Variants in SIK3 observed in about 807,000 individuals in gnomAD.
The protein encoded by SIK3 is SIK family kinase 3.
In SIK3, 28 loss-of-function variants were observed where a neutral mutation model predicts 144.2. The observed-to-expected ratio is 0.19, with a 90% CI of 0.14 to 0.27. SIK3 has a LOEUF of 0.27. Among genes scored for constraint, SIK3 ranks in the 10% least tolerant of loss-of-function variants. The pLI is 1.00. For synonymous variants in SIK3, 686 were observed against 676.3 expected, an observed-to-expected ratio of 1.01 and a Z score of -0.22; for missense variants, 1,319 against 1,776.0, an observed-to-expected ratio of 0.74 and a Z score of 4.62.
intron 1 of SIK3, among the ~76,000 whole-genome samples, chr11:117,013,954 TA>T (rs1287409414): frequency 3.1e-5 from 2 of 64,688 alleles, no homozygotes; most frequent in African/African-American, 6.2e-5. Flanking sequence ...GTGTGTGTTT[TA>T]TTTCTTTTTT....
chr11:116,870,527 C>T, intron 13 of SIK3, 126 bp from the exon 14 acceptor site: 2 of 1,245,862 alleles, frequency 1.6e-6, no homozygotes, highest in East Asian at 2.4e-5. Flanking sequence ...TTCTAGACTC[C>T]TGGGTTATAC....
At chr11:116,965,734 A>AAAATATATAT (rs1949505613) in intron 1 of SIK3, among the ~76,000 whole-genome samples, 1 of 118,402 alleles carries the variant, frequency 8.4e-6, no homozygotes, top group Non-Finnish European at 1.6e-5. Flanking sequence ...TCTCTGCTAA[A>AAAATATATAT]ATATATATAT....
chr11:116,906,472 A>T (rs916017926), intron 4 of SIK3, among the ~76,000 whole-genome samples: 4 of 152,220 alleles, frequency 2.6e-5, no homozygotes, highest in Admixed American at 2.6e-4. Context: ...AGAAAAGGGA[A>T]GGATGAGAAT....
At chr11:117,085,828 T>A (rs1158235969) in intron 1 of SIK3, among the ~76,000 whole-genome samples, 1 of 151,680 alleles carries the variant, frequency 6.6e-6, no homozygotes, top group Non-Finnish European at 1.5e-5. Context: ...CTACAAAAAA[T>A]ACAAAAATTG....
Position 117,098,170 on chromosome 11 carries a change from C to T in SIK3, c.246G>A (p.Arg82=). ...TGGCCTTGGTGACGAGGTGCGTGGCCCGCTTGACCACCGCGAAGTTGCCCT... is the reference window on the plus strand; with the variant it reads ...TGGCCTTGGTGACGAGGTGCGTGGCTCGCTTGACCACCGCGAAGTTGCCCT... ...IGKGNFAVVK[R]ATHLVTKAKV... The change falls in exon 1 of 25, where the codon CGG becomes CGA. Residue 82 remains arginine (R), a synonymous_variant. Coordinates refer to ENST00000445177, the MANE Select transcript of SIK3 (RefSeq NM_001366686.3). The T allele has an allele frequency of 1.3e-6, 2 of 1,517,334 alleles. No homozygotes were observed. The highest frequency in any genetic ancestry group is 1.8e-6 in the Non-Finnish European group (2 of 1,131,872). 94.0% of individuals were successfully genotyped at this position (1,517,334 alleles called of 1,614,324 possible).
At chr11:117,082,759 C>G (rs1302745619) in intron 1 of SIK3, among the ~76,000 whole-genome samples, 2 of 152,090 alleles carry the variant, frequency 1.3e-5, no homozygotes, top group Non-Finnish European at 2.9e-5. Flanking sequence ...ACTGTATGGT[C>G]TGTGAAATGT....
intron 1 of SIK3, among the ~76,000 whole-genome samples, chr11:117,086,215 G>A (rs1051200888): frequency 3.9e-5 from 6 of 152,112 alleles, no homozygotes; most frequent in Admixed American, 6.6e-5. Flanking sequence ...AACCCATAAA[G>A]TACAATGCAC....
At chr11:117,060,107 C>T (rs1319053403) in intron 1 of SIK3, among the ~76,000 whole-genome samples, 1 of 152,082 alleles carries the variant, frequency 6.6e-6, no homozygotes, top group Non-Finnish European at 1.5e-5. Context: ...CAACAAGTTC[C>T]TTAATAGGTG....
intron 1 of SIK3, among the ~76,000 whole-genome samples, chr11:117,033,720 A>AAAAGAAAG (rs1311630637): frequency 1.3e-4 from 19 of 151,484 alleles, no homozygotes; most frequent in Admixed American, 1.3e-3. Flanking sequence ...AAAAAAAAAA[A>AAAAGAAAG]AAAAGAAAGA....
chr11:117,034,073 A>G (rs901311697), intron 1 of SIK3, among the ~76,000 whole-genome samples: 5 of 152,216 alleles, frequency 3.3e-5, no homozygotes, highest in Non-Finnish European at 7.3e-5. Context: ...AGAAAAAAAC[A>G]GTAAGCACAA....
At chr11:117,050,081 A>G (rs1953160398) in intron 1 of SIK3, among the ~76,000 whole-genome samples, 1 of 152,028 alleles carries the variant, frequency 6.6e-6, no homozygotes, top group East Asian at 2.0e-4. Flanking sequence ...ACCTGAGGTC[A>G]GGGTTTGAGA....
intron 3 of SIK3, among the ~76,000 whole-genome samples, chr11:116,933,133 G>T (rs762299154): frequency 6.9e-6 from 1 of 145,328 alleles, no homozygotes; most frequent in Non-Finnish European, 1.5e-5. Flanking sequence ...TATTAACCTT[G>T]CTCCTTTTTT....
At chr11:116,916,975 G>C (rs1206906295) in intron 4 of SIK3, among the ~76,000 whole-genome samples, 2 of 151,510 alleles carry the variant, frequency 1.3e-5, no homozygotes, top group Non-Finnish European at 2.9e-5. Flanking sequence ...TTTTTTAAGA[G>C]ACAGGGTCTC....
chr11:116,927,291 G>A lies in SIK3; in HGVS notation c.544C>T (p.Arg182Trp). 6.2e-7 allele frequency: 1 copy of A among 1,613,866 alleles called. No homozygotes were observed. Among genetic ancestry groups the A allele is most frequent in the Non-Finnish European group, 8.5e-7 (1 of 1,179,862 alleles). The part of the protein sequence containing the change: ...IVTAVYFCHC[R>W]NIVHRDLKAE... ...TTTAAATCACGATGAACAATGTTCC[G>A]ACAGTGACAAAAATAGACAGCTGTG... Residue 182 changes from arginine to tryptophan, a missense_variant, in exon 4 of 25, where the codon CGG becomes TGG. Transcript: ENST00000445177.
chr11:116,935,641 C>T (rs1284630135), intron 3 of SIK3, among the ~76,000 whole-genome samples: 1 of 152,196 alleles, frequency 6.6e-6, no homozygotes, highest in Non-Finnish European at 1.5e-5. Flanking sequence ...GTTTCTCATG[C>T]TACACCAAGG....
intron 1 of SIK3, among the ~76,000 whole-genome samples, chr11:117,089,650 A>C (rs1424546493): frequency 6.6e-6 from 1 of 151,992 alleles, no homozygotes; most frequent in African/African-American, 2.4e-5. Context: ...TTCTGGGGGG[A>C]GCTATGAAAA....
intron 1 of SIK3, among the ~76,000 whole-genome samples, chr11:117,042,117 A>C (rs979957679): frequency 6.6e-6 from 1 of 152,126 alleles, no homozygotes; most frequent in African/African-American, 2.4e-5. Context: ...ACTGCTAATA[A>C]CTGACTTCGA....
intron 21 of SIK3, among the ~76,000 whole-genome samples, chr11:116,850,893 C>T (rs1341100015): frequency 6.6e-6 from 1 of 152,176 alleles, no homozygotes; most frequent in Non-Finnish European, 1.5e-5. Flanking sequence ...CCTGTAGTCC[C>T]AGCTACTCAG....
chr11:116,849,119 CATA>C lies in SIK3; in HGVS notation c.3817_3819del (p.Tyr1273del). ...CTGTGCAGCAGGTGGGACCAACATA[CATA>C]AGCATCGTCGCTGTTCTGGATCGTG... On this transcript the variant is annotated inframe_deletion and splice_region_variant, in exon 22 of 25. Transcript: ENST00000445177. The surrounding 1 kb of genome is among the most constrained non-coding windows in gnomAD (Gnocchi z 4.2). The C allele has an allele frequency of 6.3e-7, 1 of 1,586,008 alleles. No individual in the cohort carries two copies. Among genetic ancestry groups the C allele is most frequent in the Non-Finnish European group, 8.6e-7 (1 of 1,162,646 alleles).
Sources: allele counts gnomAD v4.1 joint callset (sites outside exome capture counted in the v4.1 genomes callset), GRCh38; gene constraint gnomAD v4.1.1; non-coding constraint Gnocchi (gnomAD v3.1); transcripts MANE v1.5; gene names NCBI Gene and HGNC (gene_info 2026-07-23, HGNC 2026-07-21).